Variants in PTGES observed in about 807,000 individuals in gnomAD.
The protein encoded by PTGES is MGST1-like 1.
PTGES carries 3 observed loss-of-function variants against 11.8 expected under a neutral mutation model. That is an observed-to-expected ratio of 0.25 (90% confidence interval 0.12 to 0.66). The LOEUF (loss-of-function observed/expected upper bound fraction) is 0.66. Ranked by LOEUF, PTGES falls within the 30% of genes least tolerant of loss-of-function variation. PTGES has a pLI of 0.82. For synonymous variants in PTGES, 94 were observed against 90.4 expected (o/e 1.04, Z -0.22); for missense variants, 180 against 213.0 (o/e 0.85, Z 0.96).
rs1276786203 is a variant in PTGES, at chr9:129,745,050, T to C, written c.209+3605A>G. 6.6e-6 allele frequency among the ~76,000 whole-genome samples: 1 copy of C among 152,120 alleles called. No individual in the cohort carries two copies. The highest frequency in any genetic ancestry group is 1.5e-5 in the Non-Finnish European group (1 of 68,024). On this transcript the variant is annotated intron_variant, in intron 2 of 2. Coordinates refer to ENST00000340607, the MANE Select transcript of PTGES (RefSeq NM_004878.5). This position sits in a 1 kb window ranked among gnomAD's most constrained non-coding sequence, Gnocchi z 4.2. ...CAAAATGTACATGCTGGATGACATC[T>C]AAGGGACTTCTAGGGCTGACATTTT...
In PTGES at chr9:129,739,432, A is replaced by AT; in HGVS notation, c.*178dup. ...GGGGCTAAGAAACATACACACACAC[A>AT]TACACACACACGGGCACACACACAG... On this transcript the variant is annotated 3_prime_UTR_variant, in exon 3 of 3. Coordinates refer to ENST00000340607, the MANE Select transcript of PTGES (RefSeq NM_004878.5). The surrounding 1 kb of genome is among the most constrained non-coding windows in gnomAD (Gnocchi z 5.7). The AT allele has an allele frequency of 1.2e-6, 1 of 821,768 alleles. No individual in the cohort carries two copies. The highest frequency in any genetic ancestry group is 1.9e-6 in the Non-Finnish European group (1 of 539,510). 50.9% of individuals were successfully genotyped at this position (821,768 alleles called of 1,614,324 possible).
chr9:129,744,058 A>G (rs1833026536), intron 2 of PTGES, among the ~76,000 whole-genome samples: 1 of 152,170 alleles, frequency 6.6e-6, no homozygotes, highest in Admixed American at 6.6e-5. Flanking sequence ...CATGTTGGCC[A>G]GGCTCGTCTC....
At chr9:129,744,994 T>C (rs1833037476) in intron 2 of PTGES, among the ~76,000 whole-genome samples, 1 of 152,080 alleles carries the variant, frequency 6.6e-6, no homozygotes, top group Non-Finnish European at 1.5e-5. Flanking sequence ...GGCAAATCTC[T>C]CTCACTCTCT....
intron 2 of PTGES, among the ~76,000 whole-genome samples, chr9:129,744,195 C>T (rs765756766): frequency 3.9e-5 from 6 of 152,170 alleles, no homozygotes; most frequent in Middle Eastern, 3.2e-3. Flanking sequence ...ATCGCCATCA[C>T]CAGCCCTGTC....
chr9:129,748,198 A>C (rs1281835017), intron 2 of PTGES, among the ~76,000 whole-genome samples: 5 of 147,962 alleles, frequency 3.4e-5, no homozygotes, highest in Non-Finnish European at 7.4e-5. Context: ...GATATGGAAC[A>C]AACTCTGTTG....
intron 1 of PTGES, 134 bp downstream of exon 1, chr9:129,752,753 C>T (rs560358826): frequency 1.3e-5 from 18 of 1,349,246 alleles, no homozygotes; most frequent in African/African-American, 5.7e-5. Context: ...AGCCCCCCGG[C>T]GGGGCTGGAA....
chr9:129,746,237 TTG>T (rs1029999663), intron 2 of PTGES, among the ~76,000 whole-genome samples: 2 of 152,168 alleles, frequency 1.3e-5, no homozygotes, highest in African/African-American at 4.8e-5. Context: ...ACGCATCCTC[TTG>T]GTGGCTGCTG....
chr9:129,741,992 A>T (rs998653741), intron 2 of PTGES, among the ~76,000 whole-genome samples: 4 of 152,022 alleles, frequency 2.6e-5, no homozygotes, highest in Non-Finnish European at 4.4e-5. Context: ...ACCAGGACTG[A>T]TGAGGAAAGG....
intron 2 of PTGES, among the ~76,000 whole-genome samples, chr9:129,743,956 T>C (rs1365212345): frequency 2.0e-5 from 3 of 152,090 alleles, no homozygotes; most frequent in Non-Finnish European, 2.9e-5. Flanking sequence ...TCAAGTGATT[T>C]TCGTGCTTCA....
chr9:129,748,122 C>T (rs997375758), intron 2 of PTGES, among the ~76,000 whole-genome samples: 10 of 138,468 alleles, frequency 7.2e-5, no homozygotes, highest in Non-Finnish European at 3.0e-5. Flanking sequence ...ATGGGCTGTA[C>T]ATTCAACAGA....
At chr9:129,742,328 CAAAAAAA>C (rs1194614585) in intron 2 of PTGES, among the ~76,000 whole-genome samples, 5 of 51,112 alleles carry the variant, frequency 9.8e-5, no homozygotes, top group Non-Finnish European at 1.7e-4. Context: ...GACTCTGTCT[CAAAAAAA>C]AAAAAAAAAA....
In PTGES at chr9:129,739,853, G is replaced by C; in HGVS notation, c.217C>G (p.Arg73Gly). The part of the protein sequence containing the change: ...PDVERCLRAH[R>G]NDMETIYPFL... Reference sequence around the variant, plus strand: ...GGGTAGATGGTCTCCATGTCGTTCCGGTGGGCCCTGGGGAGACAAGAGGGG... The same window carrying C: ...GGGTAGATGGTCTCCATGTCGTTCCCGTGGGCCCTGGGGAGACAAGAGGGG... The change falls in exon 3 of 3, where the codon CGG becomes GGG. Residue 73 changes from arginine (R) to glycine (G), a missense_variant. By Grantham distance (125) the Arg-to-Gly change is moderately radical. Coordinates refer to ENST00000340607, the MANE Select transcript of PTGES (RefSeq NM_004878.5). The surrounding 1 kb of genome is among the most constrained non-coding windows in gnomAD (Gnocchi z 5.7). 1 of 1,567,214 alleles carries C rather than the reference G, an allele frequency of 6.4e-7. No homozygotes were observed. The highest frequency in any genetic ancestry group is 8.7e-7 in the Non-Finnish European group (1 of 1,155,520).
chr9:129,748,668 C>T lies in PTGES; in HGVS notation c.196G>A (p.Glu66Lys). 6.3e-7 allele frequency: 1 copy of T among 1,577,898 alleles called. No homozygotes were observed. The highest frequency in any genetic ancestry group is 1.2e-5 in the South Asian group (1 of 85,778). ...PQYCRSDPDV[E>K]RCLRAHRNDM... ...CGAAGTACTTGCCTGAGGCAGCGTTCCACGTCGGGGTCGCTCCTGCAATAC... is the reference window on the plus strand; with the variant it reads ...CGAAGTACTTGCCTGAGGCAGCGTTTCACGTCGGGGTCGCTCCTGCAATAC... Residue 66 changes from glutamate to lysine, a missense_variant, in exon 2 of 3, where the codon GAA becomes AAA. Physicochemically the swap from Glu to Lys is moderately conservative, Grantham distance 56. Transcript: ENST00000340607.
rs1833130624 is a variant in PTGES, at chr9:129,752,948, A to G, written c.65T>C (p.Leu22Pro). ...CACCACGTACATCTTGATGACCAGCAGCGTGCTGCAGAGCAGGAAGGCCGG... is the reference window on the plus strand; with the variant it reads ...CACCACGTACATCTTGATGACCAGCGGCGTGCTGCAGAGCAGGAAGGCCGG... ...ALPAFLLCST[L>P]LVIKMYVVAI... is the part of the protein sequence containing the mutation. The change falls in exon 1 of 3, where the codon CTG becomes CCG. Residue 22 changes from leucine (L) to proline (P), a missense_variant. Leu to Pro is a moderately conservative substitution (Grantham distance 98). Transcript: ENST00000340607. 1 of 1,613,106 alleles carries G rather than the reference A, an allele frequency of 6.2e-7. No homozygotes were observed. The highest frequency in any genetic ancestry group is 8.5e-7 in the Non-Finnish European group (1 of 1,180,046).
chr9:129,746,438 G>T (rs901891780), intron 2 of PTGES, among the ~76,000 whole-genome samples: 2 of 152,126 alleles, frequency 1.3e-5, no homozygotes, highest in Non-Finnish European at 2.9e-5. Flanking sequence ...ATGTAGTAAG[G>T]GCTCATTAAT....
intron 2 of PTGES, among the ~76,000 whole-genome samples, chr9:129,743,452 A>G (rs1296611970): frequency 6.6e-6 from 1 of 152,188 alleles, no homozygotes; most frequent in Non-Finnish European, 1.5e-5. Flanking sequence ...GCAAATTCCT[A>G]CTAGACTGGA....
intron 2 of PTGES, among the ~76,000 whole-genome samples, chr9:129,742,157 A>G (rs983349363): frequency 9.4e-5 from 14 of 149,652 alleles, no homozygotes; most frequent in Non-Finnish European, 1.6e-4. Context: ...ATCTCTACTA[A>G]AAGTACAAAA....
At position 129,750,272 on chromosome 9, in the gene PTGES, TC is replaced by T. The variant is rs1833090080; in HGVS notation, c.127-1536del. 2.6e-5 allele frequency among the ~76,000 whole-genome samples: 4 copies of T among 152,186 alleles called. No individual in the cohort carries two copies. In the South Asian group the frequency reaches 8.3e-4, roughly 31 times the overall value. On this transcript the variant is annotated intron_variant, in intron 1 of 2. Coordinates refer to ENST00000340607, the MANE Select transcript of PTGES (RefSeq NM_004878.5). ...TTCAGCTGACGGCAAATCCTGTGCT[TC>T]TGACTCATGACTGTCCCCCAAGGGC...
intron 2 of PTGES, among the ~76,000 whole-genome samples, chr9:129,743,201 C>T (rs1045375835): frequency 6.6e-6 from 1 of 152,154 alleles, no homozygotes; most frequent in African/African-American, 2.4e-5. Context: ...CTGGGGCTGG[C>T]CCAGCCCTCC....
Sources: allele counts gnomAD v4.1 joint callset (sites outside exome capture counted in the v4.1 genomes callset), GRCh38; gene constraint gnomAD v4.1.1; non-coding constraint Gnocchi (gnomAD v3.1); transcripts MANE v1.5; gene names NCBI Gene and HGNC (gene_info 2026-07-23, HGNC 2026-07-21).